The following PPIH variants were observed in gnomAD, a reference collection of about 807,000 sequenced individuals.
The protein encoded by PPIH is peptidyl-prolyl cis-trans isomerase H.
In PPIH, 16 loss-of-function variants were observed where a neutral mutation model predicts 27.6. That is an observed-to-expected ratio of 0.58 (90% CI 0.39 to 0.88). The LOEUF (loss-of-function observed/expected upper bound fraction) is 0.88. Ranked by LOEUF, PPIH falls within the 40% of genes least tolerant of loss-of-function variation. The pLI is 0.00. For missense variants in PPIH, 155 were observed against 224.1 expected (o/e 0.69, Z 1.97); for synonymous variants, 63 against 76.1 (o/e 0.83, Z 0.90).
At chr1:42,667,496 G>T in intron 9 of PPIH, 56 bp downstream of exon 9, 1 of 1,423,538 alleles carries the variant, frequency 7.0e-7, no homozygotes, top group Non-Finnish European at 9.8e-7. Flanking sequence ...AAGGCAGCAT[G>T]GTCTAGTGGA....
At chr1:42,678,243 C>CT (rs1379800883), downstream of PPIH, among the ~76,000 whole-genome samples, 2 of 152,150 alleles carry the variant, frequency 1.3e-5, no homozygotes, top group Admixed American at 1.3e-4. Context: ...CAGCTGCACT[C>CT]TGTTACATCT....
chr1:42,669,965 C>T (rs1052515959), intron 9 of PPIH, among the ~76,000 whole-genome samples: 3 of 152,112 alleles, frequency 2.0e-5, no homozygotes, highest in South Asian at 2.1e-4. Flanking sequence ...CAGTCAAATA[C>T]CTGACCATTT....
At chr1:42,662,154 A>C (rs547721203) in intron 5 of PPIH, among the ~76,000 whole-genome samples, 72 of 152,148 alleles carry the variant, frequency 4.7e-4, no homozygotes, top group African/African-American at 1.6e-3. Flanking sequence ...GTTGCCTTAC[A>C]AGGAGAGGAA....
intron 9 of PPIH, among the ~76,000 whole-genome samples, chr1:42,670,974 T>C (rs1475164660): frequency 1.3e-5 from 2 of 152,120 alleles, no homozygotes. Context: ...TTTTGTATTT[T>C]TAGTAGAGAC....
At chr1:42,668,632 T>G (rs1649470915) in intron 9 of PPIH, among the ~76,000 whole-genome samples, 1 of 152,220 alleles carries the variant, frequency 6.6e-6, no homozygotes, top group African/African-American at 2.4e-5. Flanking sequence ...TCATTTCATT[T>G]GGTTTACACA....
chr1:42,665,999 C>T lies in PPIH; in HGVS notation c.356C>T (p.Thr119Ile), dbSNP rs1299573629. 1 of 1,614,062 alleles carries T rather than the reference C, an allele frequency of 6.2e-7. No individual in the cohort carries two copies. Among genetic ancestry groups the T allele is most frequent in the Non-Finnish European group, 8.5e-7 (1 of 1,180,010 alleles). The change falls in exon 7 of 10, where the codon ACA (threonine) becomes ATA (isoleucine). Residue 119 changes from threonine (T) to isoleucine (I), a missense_variant. Physicochemically the swap from Thr to Ile is moderately conservative, Grantham distance 89. Transcript: ENST00000304979. The part of the protein sequence containing the change: ...LLSMANSGPS[T>I]NGCQFFITCS... ...CATCAGGCGAACAGTGGTCCAAGTA[C>T]AAATGGCTGTCAGTTCTTTATCACC...
rs1428809320 is a variant in PPIH at position 42,665,697 on chromosome 1, A to AT, written c.337-283_337-282insT. On this transcript the variant is annotated intron_variant, in intron 6 of 9. Transcript: ENST00000304979. ...TAGTCTCTACTTAAAAAAGAAAAAAAAAATTAGCCAGGTGTGGTGACACAC... is the reference window on the plus strand; with the variant it reads ...TAGTCTCTACTTAAAAAAGAAAAAAATAAATTAGCCAGGTGTGGTGACACAC... 2.0e-4 allele frequency among the ~76,000 whole-genome samples: 30 copies of AT among 152,092 alleles called. No individual in the cohort carries two copies. In the South Asian group the frequency reaches 4.0e-3, roughly 20 times the overall value.
intron 2 of PPIH, 142 bp downstream of exon 2, chr1:42,659,050 G>A: frequency 7.5e-7 from 1 of 1,334,244 alleles, no homozygotes; most frequent in Non-Finnish European, 1.1e-6. Flanking sequence ...CTGTCTGGTT[G>A]CCGTTTGGAT....
At position 42,669,569 on chromosome 1, in the gene PPIH, G is replaced by C. The variant is rs113554952; in HGVS notation, c.*21+2129G>C. 4.8e-3 allele frequency among the ~76,000 whole-genome samples: 730 copies of C among 152,238 alleles called. 7 individuals carry two copies. The highest frequency in any genetic ancestry group is 0.017 in the African/African-American group (709 of 41,540). On this transcript the variant is annotated intron_variant, in intron 9 of 9. Transcript: ENST00000304979. Reference sequence around the variant, plus strand: ...CTCCTAAAGTGCTAGGATTACAGGCGTGAGCCACTGCCCCCAACTGAGCAT... The same window carrying C: ...CTCCTAAAGTGCTAGGATTACAGGCCTGAGCCACTGCCCCCAACTGAGCAT...
intron 1 of PPIH, 139 bp downstream of exon 1, chr1:42,658,651 C>A: frequency 8.6e-7 from 1 of 1,165,572 alleles, no homozygotes; most frequent in Non-Finnish European, 1.2e-6. Flanking sequence ...ACCTGCCGGG[C>A]GGGGGGAAAG....
At chr1:42,678,958 A>G (rs1281434795), downstream of PPIH, 1 of 152,274 alleles carries the variant, frequency 6.6e-6, no homozygotes, top group Non-Finnish European at 1.5e-5. Context: ...GCCACAGTCT[A>G]TTAGAGATGG....
At chr1:42,665,849 A>G in intron 6 of PPIH, 131 bp from the exon 7 acceptor site, 1 of 731,414 alleles carries the variant, frequency 1.4e-6, no homozygotes, top group Admixed American at 2.1e-5. Context: ...GCCCTGGCTC[A>G]TAATAGGTGC....
chr1:42,672,952 A>G (rs71654250), intron 9 of PPIH, among the ~76,000 whole-genome samples: 163 of 151,892 alleles, frequency 1.1e-3, no homozygotes, highest in Non-Finnish European at 2.0e-3. Context: ...CCTGGTCTGT[A>G]CAACTTTAGT....
intron 9 of PPIH, among the ~76,000 whole-genome samples, chr1:42,670,940 C>T (rs759021667): frequency 2.6e-5 from 4 of 152,062 alleles, no homozygotes; most frequent in Non-Finnish European, 4.4e-5. Flanking sequence ...GGATTACAGG[C>T]GCACGCTGCC....
In PPIH at chr1:42,658,916, C is replaced by G; in HGVS notation, c.131+8C>G. ...GACGGCCGAGAACTTTAGGTAAGGACGTGCTCCAGCTCCGCTGGATTAGCT... is the reference window on the plus strand; with the variant it reads ...GACGGCCGAGAACTTTAGGTAAGGAGGTGCTCCAGCTCCGCTGGATTAGCT... On this transcript the variant is annotated splice_region_variant and intron_variant, in intron 2 of 9. Coordinates refer to ENST00000304979, the MANE Select transcript of PPIH (RefSeq NM_006347.4). 1 of 1,613,838 alleles carries G rather than the reference C, an allele frequency of 6.2e-7. No homozygotes were observed. The highest frequency in any genetic ancestry group is 8.5e-7 in the Non-Finnish European group (1 of 1,179,708).
At chr1:42,658,652 G>T in intron 1 of PPIH, 140 bp downstream of exon 1, 1 of 1,151,026 alleles carries the variant, frequency 8.7e-7, no homozygotes, top group Non-Finnish European at 1.3e-6. Context: ...CCTGCCGGGC[G>T]GGGGGAAAGG....
intron 9 of PPIH, among the ~76,000 whole-genome samples, chr1:42,668,172 GTTTTTCTTTTTT>G (rs2148719319): frequency 6.6e-6 from 1 of 151,954 alleles, no homozygotes; most frequent in South Asian, 2.1e-4. Context: ...GTGATGTTTT[GTTTTTCTTTTTT>G]TTTTATTTTC....
At chr1:42,679,404 G>A (rs1649969461), downstream of PPIH, among the ~76,000 whole-genome samples, 1 of 152,130 alleles carries the variant, frequency 6.6e-6, no homozygotes. Flanking sequence ...TGGCCGGGCT[G>A]GTCTCGAACT....
chr1:42,673,875 G>A (rs1557521189), intron 9 of PPIH, among the ~76,000 whole-genome samples: 1 of 152,218 alleles, frequency 6.6e-6, no homozygotes, highest in Non-Finnish European at 1.5e-5. Context: ...GATAGATATT[G>A]TAACAGTTGT....
Sources: allele counts gnomAD v4.1 joint callset (sites outside exome capture counted in the v4.1 genomes callset), GRCh38; gene constraint gnomAD v4.1.1; transcripts MANE v1.5; gene names NCBI Gene and HGNC (gene_info 2026-07-23, HGNC 2026-07-21).